Variants in PCDHA3 observed in about 807,000 individuals in gnomAD.
PCDHA3 encodes the protein protocadherin alpha-3.
Under a neutral mutation model 62.2 loss-of-function variants are expected in PCDHA3, and 41 were observed. The observed-to-expected ratio is 0.66, with a 90% CI of 0.51 to 0.86. The LOEUF is 0.86. Ranked by LOEUF, PCDHA3 falls within the 40% of genes least tolerant of loss-of-function variation. The pLI is 0.00. For synonymous variants in PCDHA3, 640 were observed against 555.4 expected (o/e 1.15, Z -2.14); for missense variants, 1,304 against 1,241.2 (o/e 1.05, Z -0.76).
chr5:140,967,943 G>T, intron 1 of PCDHA3: 1 of 1,614,190 alleles, frequency 6.2e-7, no homozygotes. Flanking sequence ...CAATGACCAA[G>T]ACTCAGGCCC....
chr5:140,846,638 T>A (rs1554141417), intron 1 of PCDHA3, among the ~76,000 whole-genome samples: 1 of 149,216 alleles, frequency 6.7e-6, no homozygotes, highest in Non-Finnish European at 1.5e-5. Flanking sequence ...CCTCCTAAAG[T>A]GCTGGGATTA....
intron 1 of PCDHA3, chr5:140,807,348 T>C (rs1763896011): frequency 6.2e-7 from 1 of 1,612,548 alleles, no homozygotes; most frequent in Admixed American, 1.7e-5. Context: ...GACCTGGGAC[T>C]GGAGCTGGCG....
intron 1 of PCDHA3, chr5:140,830,245 C>T (rs2150183338): frequency 2.0e-5 from 32 of 1,613,950 alleles, no homozygotes; most frequent in Admixed American, 3.3e-5. Flanking sequence ...TACTGCTGTA[C>T]ACAGCGCTGC....
chr5:140,883,847 G>A (rs782603246), intron 1 of PCDHA3: 3 of 1,612,878 alleles, frequency 1.9e-6, no homozygotes, highest in Non-Finnish European at 8.5e-7. Flanking sequence ...GGACCACGAG[G>A]AGCTGGAGCT....
chr5:140,850,792 A>C (rs1280178447), intron 1 of PCDHA3: 1 of 1,598,354 alleles, frequency 6.3e-7, no homozygotes, highest in African/African-American at 1.3e-5. Flanking sequence ...GGTAAGCAGA[A>C]GACCGACCTC....
chr5:140,842,877 C>G (rs782040771), intron 1 of PCDHA3: 5 of 1,593,864 alleles, frequency 3.1e-6, no homozygotes, highest in Non-Finnish European at 4.3e-6. Flanking sequence ...AAGGTGTACG[C>G]GCTGCAGCCG....
chr5:140,802,262 A>G lies in PCDHA3; in HGVS notation c.1065A>G (p.Leu355=), dbSNP rs782016322. The G allele has an allele frequency of 6.2e-7, 1 of 1,614,236 alleles. No homozygotes were observed. The highest frequency in any genetic ancestry group is 8.5e-7 in the Non-Finnish European group (1 of 1,180,032). ...TACCTGAGTTAGTTATTCAATCACT[A>G]TCTTTACCTGTATTAGAAGACTCTC... ...DNVPELVIQS[L]SLPVLEDSPL... Residue 355 remains leucine, a synonymous_variant, in exon 1 of 4, where the codon CTA becomes CTG. Coordinates refer to ENST00000522353, the MANE Select transcript of PCDHA3 (RefSeq NM_018906.3).
At position 140,847,877 on chromosome 5, in the gene PCDHA3, C is replaced by G. The variant is rs1305831915; in HGVS notation, c.2394+44286C>G. On this transcript the variant is annotated intron_variant, in intron 1 of 3. Coordinates refer to ENST00000522353, the MANE Select transcript of PCDHA3 (RefSeq NM_018906.3). ...TGTTGATTCCTTTTACCAGACATGA[C>G]TAAGTTTCTTTTTCATCAGTAGATT... 5 of 149,752 alleles carry G rather than the reference C, an allele frequency of 3.3e-5. 1 individual carries two copies. The highest frequency in any genetic ancestry group is 7.5e-5 in the Non-Finnish European group (5 of 66,994). 9.3% of individuals were successfully genotyped at this position (149,752 alleles called of 1,614,324 possible). A position where few individuals can be genotyped will look rare whatever the true frequency, so the allele number is the denominator to read the frequency against.
intron 1 of PCDHA3, chr5:140,862,603 G>A (rs2047445390): frequency 3.9e-6 from 2 of 515,596 alleles, no homozygotes; most frequent in Non-Finnish European, 7.9e-6. Context: ...CATGGTGTTC[G>A]TGAAAGGTAA....
At chr5:140,822,871 A>C in intron 1 of PCDHA3, 1 of 1,614,204 alleles carries the variant, frequency 6.2e-7, no homozygotes. Flanking sequence ...TCCACTCAGC[A>C]CGGTCATTGC....
chr5:140,857,464 C>T lies in PCDHA3; in HGVS notation c.2394+53873C>T. On this transcript the variant is annotated intron_variant, in intron 1 of 3. Transcript: ENST00000522353. ...AGGAGAACAACCCGCCAGGCTGCCACATCTTCACGGTGTCTGCGTGGGACG... is the reference window on the plus strand; with the variant it reads ...AGGAGAACAACCCGCCAGGCTGCCATATCTTCACGGTGTCTGCGTGGGACG... 1.9e-6 allele frequency: 3 copies of T among 1,598,642 alleles called. 1 individual carries two copies. The South Asian group carries it at 3.3e-5, about 18-fold the overall frequency.
At chr5:140,867,679 G>A (rs1264964965) in intron 1 of PCDHA3, 1 of 151,996 alleles carries the variant, frequency 6.6e-6, no homozygotes, top group Non-Finnish European at 1.5e-5. Flanking sequence ...AAATTTTGTT[G>A]CATCTTCTTT....
In PCDHA3 at chr5:140,830,164, G is replaced by T. The variant is rs2150182305; in HGVS notation, c.2394+26573G>T. The T allele has an allele frequency of 2.7e-5, 44 of 1,613,426 alleles. 1 individual carries two copies. In the South Asian group the frequency reaches 4.6e-4, roughly 17 times the overall value. On this transcript the variant is annotated intron_variant, in intron 1 of 3. Coordinates refer to ENST00000522353, the MANE Select transcript of PCDHA3 (RefSeq NM_018906.3). ...CGGTGGGCGCCGCGGGCCCAGAGGC[G>T]GCGCTGGTGGATGTCAACGTGTACC...
chr5:140,956,464 A>C (rs1340273443), intron 1 of PCDHA3, among the ~76,000 whole-genome samples: 1 of 152,148 alleles, frequency 6.6e-6, no homozygotes, highest in Admixed American at 6.6e-5. Flanking sequence ...ATTGATTTGC[A>C]TATGTTGAAC....
chr5:140,860,179 T>C (rs1448179121), intron 1 of PCDHA3: 2 of 148,944 alleles, frequency 1.3e-5, no homozygotes, highest in African/African-American at 4.9e-5. Flanking sequence ...ATATATATGA[T>C]GGGCTCTCCT....
At chr5:140,987,451 T>G (rs1481665271) in intron 3 of PCDHA3, among the ~76,000 whole-genome samples, 2 of 152,108 alleles carry the variant, frequency 1.3e-5, no homozygotes, top group African/African-American at 4.8e-5. Flanking sequence ...GCCCGAGAGA[T>G]AATTGTTAAG....
intron 1 of PCDHA3, chr5:140,877,640 G>T: frequency 6.2e-7 from 1 of 1,613,622 alleles, no homozygotes. Flanking sequence ...GCGCTGCGTT[G>T]CTCAGCGCCG....
intron 1 of PCDHA3, among the ~76,000 whole-genome samples, chr5:140,886,827 GAAAAAAAAAA>G (rs782016620): frequency 1.6e-5 from 1 of 60,890 alleles, no homozygotes; most frequent in East Asian, 5.7e-4. Flanking sequence ...ACTTCGTCTT[GAAAAAAAAAA>G]AAAAAAAAAA....
chr5:140,823,380 C>G (rs2150125210), intron 1 of PCDHA3: 20 of 1,612,570 alleles, frequency 1.2e-5, no homozygotes, highest in Non-Finnish European at 1.6e-5. Flanking sequence ...TCCAGGTGAG[C>G]GCGCGCGACG....
Sources: gnomAD v4.1 joint callset for allele counts (sites outside exome capture counted in the v4.1 genomes callset) on GRCh38, gnomAD v4.1.1 for gene constraint, MANE v1.5 for transcripts, NCBI Gene and HGNC (gene_info 2026-07-23, HGNC 2026-07-21) for gene names.